The following RBM6 variants were observed in gnomAD, a reference collection of about 807,000 sequenced individuals.
The protein encoded by RBM6 is RNA binding motif protein 6, also known as RNA-binding protein 6.
A neutral mutation model predicts 140.4 loss-of-function variants in RBM6; 23 were observed. The ratio of observed to expected loss-of-function variants is 0.16; its 90% confidence interval spans 0.12 to 0.23. RBM6 has a LOEUF of 0.23. Among genes scored for constraint, RBM6 ranks in the 10% least tolerant of loss-of-function variants. The pLI, the probability that RBM6 is intolerant of heterozygous loss-of-function variation, is 1.00. For synonymous variants in RBM6, 439 were observed against 475.6 expected, an observed-to-expected ratio of 0.92 and a Z score of 1.00; for missense variants, 1,139 against 1,386.7, an observed-to-expected ratio of 0.82 and a Z score of 2.84.
Position 50,014,872 on chromosome 3 carries a change from A to G in RBM6, c.1557+15359A>G, listed in dbSNP as rs1431158945. On this transcript the variant is annotated intron_variant, in intron 6 of 20. Coordinates refer to ENST00000266022, the MANE Select transcript of RBM6 (RefSeq NM_005777.3). ...GCTCTGTGCTAGGTAATATGTGTTC[A>G]TTAATGAATGAAAAAACAATACAAA... 2.6e-5 allele frequency among the ~76,000 whole-genome samples: 4 copies of G among 151,944 alleles called. No individual in the cohort carries two copies. The East Asian group carries it at 5.8e-4, about 22-fold the overall frequency.
chr3:50,042,365 A>C lies in RBM6; in HGVS notation c.1558-5880A>C, dbSNP rs1045514897. ...AACTACAACTGAGCTTGCATTGAAGATCTTTAACAAAGATGCAAAGCTGCT... is the reference window on the plus strand; with the variant it reads ...AACTACAACTGAGCTTGCATTGAAGCTCTTTAACAAAGATGCAAAGCTGCT... On this transcript the variant is annotated intron_variant, in intron 6 of 20. Transcript: ENST00000266022. Among the ~76,000 whole-genome samples, 2 of 152,212 alleles carry C rather than the reference A, an allele frequency of 1.3e-5. 1 individual carries two copies. The highest frequency in any genetic ancestry group is 4.8e-5 in the African/African-American group (2 of 41,454).
chr3:50,051,204 G>A lies in RBM6; in HGVS notation c.1632+2885G>A, dbSNP rs556311330. Reference sequence around the variant, plus strand: ...AAAATACAAAATTTAACTGGGTGTGGTGGTGCATGCCTATGATCGCGGCTA... The same window carrying A: ...AAAATACAAAATTTAACTGGGTGTGATGGTGCATGCCTATGATCGCGGCTA... On this transcript the variant is annotated intron_variant, in intron 7 of 20. Coordinates refer to ENST00000266022, the MANE Select transcript of RBM6 (RefSeq NM_005777.3). Among the ~76,000 whole-genome samples the A allele has an allele frequency of 6.0e-4, 92 of 152,148 alleles. 2 individuals are homozygous for A. In the South Asian group the frequency reaches 0.013, roughly 22 times the overall value.
chr3:50,069,678 A>T (rs1184580466), intron 18 of RBM6, among the ~76,000 whole-genome samples: 2 of 152,124 alleles, frequency 1.3e-5, no homozygotes, highest in Admixed American at 6.5e-5. Context: ...TCACAGAGTA[A>T]GTCCCTGTCT....
chr3:50,073,400 G>C (rs1356278954), intron 19 of RBM6, among the ~76,000 whole-genome samples: 1 of 152,120 alleles, frequency 6.6e-6, no homozygotes, highest in African/African-American at 2.4e-5. Flanking sequence ...CAAAAGAGGG[G>C]GTTGGGAGAA....
intron 6 of RBM6, among the ~76,000 whole-genome samples, chr3:50,020,155 G>A (rs1043389467): frequency 4.6e-5 from 7 of 152,118 alleles, no homozygotes; most frequent in African/African-American, 1.4e-4. Flanking sequence ...ACTCCTGGGC[G>A]GGCTCAAGCA....
At chr3:50,058,653 G>T in intron 10 of RBM6, 91 bp downstream of exon 10, 1 of 1,360,222 alleles carries the variant, frequency 7.4e-7, no homozygotes. Flanking sequence ...GGTGGCTTAC[G>T]CCTGTAATCC....
Position 49,975,446 on chromosome 3 carries a change from C to G in RBM6, c.1483+54C>G, listed in dbSNP as rs931618169. ...GGGTTAGGAAGGGTCTTTGTCAGAT[C>G]TCTGCATCATGTGCTACTTAAAATT... is the stretch of plus-strand genomic sequence containing the variant. On this transcript the variant is annotated intron_variant, in intron 5 of 20. Transcript: ENST00000266022. 3 of 1,408,530 alleles carry G rather than the reference C, an allele frequency of 2.1e-6. No homozygotes were observed. In the African/African-American group the frequency reaches 4.3e-5, roughly 20 times the overall value. The allele number at this position is 1,408,530 out of a possible 1,614,324, so 87.3% of individuals were successfully genotyped here.
chr3:49,973,443 A>G (rs2084894869), intron 4 of RBM6, among the ~76,000 whole-genome samples: 1 of 152,124 alleles, frequency 6.6e-6, no homozygotes, highest in Non-Finnish European at 1.5e-5. Flanking sequence ...CTGGACTGTA[A>G]TGAACCCAGT....
chr3:49,943,673 C>G (rs920383810), intron 1 of RBM6, among the ~76,000 whole-genome samples: 8 of 152,096 alleles, frequency 5.3e-5, no homozygotes, highest in African/African-American at 1.9e-4. Flanking sequence ...ATGCTGGTCT[C>G]AAACTCCTGG....
At chr3:49,986,049 G>A (rs1472850641) in intron 5 of RBM6, among the ~76,000 whole-genome samples, 3 of 151,340 alleles carry the variant, frequency 2.0e-5, no homozygotes, top group South Asian at 2.1e-4. Flanking sequence ...GCAGTGGCAC[G>A]GTCTTGGTTC....
intron 2 of RBM6, among the ~76,000 whole-genome samples, chr3:49,964,618 G>A (rs2084426159): frequency 6.6e-6 from 1 of 152,150 alleles, no homozygotes; most frequent in Non-Finnish European, 1.5e-5. Flanking sequence ...TTTACGAACT[G>A]GCTCTTCATG....
chr3:50,031,625 A>T (rs1047918789), intron 6 of RBM6, among the ~76,000 whole-genome samples: 19 of 152,032 alleles, frequency 1.2e-4, no homozygotes, highest in Non-Finnish European at 2.1e-4. Flanking sequence ...GATATACTTA[A>T]TGTAAATGAC....
chr3:49,972,180 G>A (rs1239252528), intron 4 of RBM6, 32 bp downstream of exon 4: 2 of 1,507,758 alleles, frequency 1.3e-6, no homozygotes, highest in South Asian at 1.2e-5. Context: ...GTTTCTCTGT[G>A]TCAATTAAAA....
chr3:49,979,082 G>T (rs968084992), intron 5 of RBM6, among the ~76,000 whole-genome samples: 1 of 152,078 alleles, frequency 6.6e-6, no homozygotes, highest in African/African-American at 2.4e-5. Flanking sequence ...GACTCATAAG[G>T]ATATATACAC....
intron 6 of RBM6, among the ~76,000 whole-genome samples, chr3:50,007,171 C>T (rs2086620588): frequency 6.6e-6 from 1 of 151,486 alleles, no homozygotes; most frequent in South Asian, 2.1e-4. Flanking sequence ...GGGACTCCTT[C>T]CAGCTTCCCT....
chr3:49,962,138 G>T (rs1426063707), intron 1 of RBM6, among the ~76,000 whole-genome samples: 1 of 125,218 alleles, frequency 8.0e-6, no homozygotes, highest in Non-Finnish European at 1.6e-5. Flanking sequence ...AACAAAGCAA[G>T]ACTCCATCTC....
intron 6 of RBM6, among the ~76,000 whole-genome samples, chr3:50,032,915 G>A (rs573068855): frequency 6.6e-6 from 1 of 152,078 alleles, no homozygotes; most frequent in South Asian, 2.1e-4. Flanking sequence ...AAACAAGGAG[G>A]CAGAGGTTGC....
intron 2 of RBM6, among the ~76,000 whole-genome samples, chr3:49,966,320 C>T (rs1262614814): frequency 3.9e-5 from 6 of 152,208 alleles, no homozygotes; most frequent in Non-Finnish European, 8.8e-5. Flanking sequence ...TTTTGTTTTA[C>T]TGCTGAATAA....
chr3:49,968,961 C>T (rs1247877936), intron 3 of RBM6, among the ~76,000 whole-genome samples: 1 of 130,212 alleles, frequency 7.7e-6, no homozygotes, highest in Non-Finnish European at 1.7e-5. Flanking sequence ...AGCCACCGCG[C>T]CCGGCCTGCT....
Sources: allele counts gnomAD v4.1 joint callset (sites outside exome capture counted in the v4.1 genomes callset), GRCh38; gene constraint gnomAD v4.1.1; transcripts MANE v1.5; gene names NCBI Gene and HGNC (gene_info 2026-07-23, HGNC 2026-07-21).